The following M1AP variants were observed in gnomAD, a reference collection of about 807,000 sequenced individuals.
M1AP encodes meiosis 1 associated protein, also known as meiosis 1 arrest protein.
In M1AP, 39 loss-of-function variants were observed where a neutral mutation model predicts 51.2. The ratio of observed to expected loss-of-function variants is 0.76; its 90% CI spans 0.59 to 1.00. The LOEUF is 1.00. Among genes scored for constraint, M1AP ranks in the 50% least tolerant of loss-of-function variants. M1AP has a pLI of 0.00. For synonymous variants in M1AP, 251 were observed against 249.2 expected (o/e 1.01, Z -0.07); for missense variants, 545 against 641.2 (o/e 0.85, Z 1.62).
chr2:74,640,301 T>C lies in M1AP; in HGVS notation c.-26A>G, dbSNP rs376746729. 9 of 1,612,964 alleles carry C rather than the reference T, an allele frequency of 5.6e-6. No individual in the cohort carries two copies. The African/African-American group carries it at 1.2e-4, about 22-fold the overall frequency. On this transcript the variant is annotated 5_prime_UTR_variant, in exon 2 of 11. Coordinates refer to ENST00000421985, the MANE Select transcript of M1AP (RefSeq NM_001321739.2). Reference sequence around the variant, plus strand: ...GGCAGCAAAACCAGAGGGGGAACTGTAGCCACCAGCTGGATATTCTTTACA... The same window carrying C: ...GGCAGCAAAACCAGAGGGGGAACTGCAGCCACCAGCTGGATATTCTTTACA...
chr2:74,642,085 C>T (rs1233312789), intron 1 of M1AP, among the ~76,000 whole-genome samples: 1 of 152,094 alleles, frequency 6.6e-6, no homozygotes, highest in African/African-American at 2.4e-5. Context: ...CCGCCTCGGC[C>T]TCCCAAAGTG....
chr2:74,603,510 G>C (rs916511911), intron 4 of M1AP, among the ~76,000 whole-genome samples: 6 of 152,146 alleles, frequency 3.9e-5, no homozygotes, highest in Non-Finnish European at 8.8e-5. Flanking sequence ...TCTAAGAAGA[G>C]GAAAATGAAT....
chr2:74,559,208 G>C (rs746250831), intron 10 of M1AP, among the ~76,000 whole-genome samples: 46 of 152,006 alleles, frequency 3.0e-4, no homozygotes, highest in Non-Finnish European at 5.6e-4. Flanking sequence ...ACCCAAGCTG[G>C]AGTGCAGTGG....
At chr2:74,634,962 C>G (rs1682902019) in intron 2 of M1AP, among the ~76,000 whole-genome samples, 1 of 151,622 alleles carries the variant, frequency 6.6e-6, no homozygotes, top group Admixed American at 6.6e-5. Flanking sequence ...TTTTTTGTAC[C>G]ACCTTAGTCT....
chr2:74,612,280 G>A (rs766107791), intron 3 of M1AP, among the ~76,000 whole-genome samples: 3 of 151,972 alleles, frequency 2.0e-5, no homozygotes, highest in Non-Finnish European at 4.4e-5. Flanking sequence ...ATGCAGTGGT[G>A]TGATCATAGC....
In M1AP at chr2:74,560,166, GC is replaced by G. The variant is rs1323574618; in HGVS notation, c.1406del (p.Ser469ThrfsTer28). Reference protein sequence around the residue: ...PQGRLHPHWESRAPRKHPCKT... With the variant: ...PQGRLHPHWEXRAPRKHPCKT... ...GGAGCGGTACCTTTCTCGGAGCTCG[GC>G]TCTCCCAGTGTGGGTGGAGCCGCCC... On this transcript the variant is annotated frameshift_variant, in exon 9 of 11. Transcript: ENST00000421985. LOFTEE classifies it low-confidence loss of function (END_TRUNC). 6.2e-7 allele frequency: 1 copy of G among 1,613,830 alleles called. No homozygotes were observed. Among genetic ancestry groups the G allele is most frequent in the Non-Finnish European group, 8.5e-7 (1 of 1,179,998 alleles).
intron 4 of M1AP, among the ~76,000 whole-genome samples, chr2:74,582,705 G>C (rs1679482756): frequency 6.6e-6 from 1 of 152,044 alleles, no homozygotes; most frequent in Non-Finnish European, 1.5e-5. Flanking sequence ...AATTTTATTG[G>C]AGTTGTGCAT....
chr2:74,594,600 A>T (rs553685601), intron 4 of M1AP, among the ~76,000 whole-genome samples: 2 of 152,222 alleles, frequency 1.3e-5, no homozygotes, highest in Middle Eastern at 3.2e-3. Context: ...CAGGCTGGGC[A>T]TGGTGACTCA....
intron 1 of M1AP, chr2:74,647,130 T>C (rs1573208546): frequency 1.2e-6 from 1 of 835,494 alleles, no homozygotes; most frequent in East Asian, 1.2e-4. Context: ...ATGCCCAAAC[T>C]AAAAACCCTC....
chr2:74,597,877 A>G (rs1013495197), intron 4 of M1AP, among the ~76,000 whole-genome samples: 10 of 152,206 alleles, frequency 6.6e-5, no homozygotes, highest in Admixed American at 6.5e-4. Context: ...TCACAAAACT[A>G]TTGTAAAACT....
At chr2:74,648,084 A>C in intron 1 of M1AP, 181 bp downstream of exon 1, 4 of 985,216 alleles carry the variant, frequency 4.1e-6, no homozygotes, top group Non-Finnish European at 4.8e-6. Flanking sequence ...CGGAGGGATG[A>C]CTCCGACAGC....
At chr2:74,606,169 G>A (rs1246146942) in intron 4 of M1AP, among the ~76,000 whole-genome samples, 1 of 152,194 alleles carries the variant, frequency 6.6e-6, no homozygotes, top group East Asian at 1.9e-4. Context: ...TGTGAGCCAA[G>A]GCTCAAAACT....
chr2:74,606,892 T>A (rs971219334), intron 4 of M1AP, among the ~76,000 whole-genome samples, 163 bp downstream of exon 4: 11 of 152,084 alleles, frequency 7.2e-5, no homozygotes, highest in African/African-American at 2.7e-4. Context: ...ATTCTTTTTT[T>A]AAAATTTTAT....
At chr2:74,589,398 T>A (rs1679908842) in intron 4 of M1AP, among the ~76,000 whole-genome samples, 1 of 152,236 alleles carries the variant, frequency 6.6e-6, no homozygotes, top group African/African-American at 2.4e-5. Context: ...AAGGGTGGGT[T>A]CCATTATTGC....
intron 2 of M1AP, among the ~76,000 whole-genome samples, chr2:74,637,813 C>T (rs1417071487): frequency 6.6e-6 from 1 of 152,110 alleles, no homozygotes; most frequent in East Asian, 1.9e-4. Flanking sequence ...CCTTCTTTGG[C>T]CTTGGGTAGT....
intron 4 of M1AP, among the ~76,000 whole-genome samples, chr2:74,604,188 T>C (rs1347802162): frequency 6.6e-6 from 1 of 152,230 alleles, no homozygotes. Flanking sequence ...CACTCCCACC[T>C]CTGCCTGACA....
intron 3 of M1AP, among the ~76,000 whole-genome samples, chr2:74,614,316 G>C (rs1681538978): frequency 6.6e-6 from 1 of 152,142 alleles, no homozygotes; most frequent in African/African-American, 2.4e-5. Context: ...TTTACTAGTT[G>C]TTAGGATGGA....
intron 6 of M1AP, among the ~76,000 whole-genome samples, chr2:74,576,008 C>T (rs1015941947): frequency 2.6e-5 from 4 of 152,098 alleles, no homozygotes; most frequent in East Asian, 1.9e-4. Context: ...CATGAGCCAC[C>T]GTGCCTAGTC....
In M1AP at chr2:74,628,022, CTT is replaced by C. The variant is rs1389177613; in HGVS notation, c.240+12012_240+12013del. 3.3e-5 allele frequency among the ~76,000 whole-genome samples: 5 copies of C among 152,246 alleles called. No individual in the cohort carries two copies. In the East Asian group the frequency reaches 7.7e-4, roughly 23 times the overall value. On this transcript the variant is annotated intron_variant, in intron 2 of 10. Coordinates refer to ENST00000421985, the MANE Select transcript of M1AP (RefSeq NM_001321739.2). ...TCCATTTTATATATATAAATAAACTCTTTCATTAATTTGGGATATATTGATAT... is the reference window on the plus strand; with the variant it reads ...TCCATTTTATATATATAAATAAACTCTCATTAATTTGGGATATATTGATAT...
Sources: allele counts gnomAD v4.1 joint callset (sites outside exome capture counted in the v4.1 genomes callset), GRCh38; gene constraint gnomAD v4.1.1; transcripts MANE v1.5; gene names NCBI Gene and HGNC (gene_info 2026-07-23, HGNC 2026-07-21).